Variants in GTPBP8 observed in about 807,000 individuals in gnomAD.
The protein encoded by GTPBP8 is GTP-binding protein 8.
Under a neutral mutation model 27.3 loss-of-function variants are expected in GTPBP8, and 21 were observed. The observed-to-expected ratio is 0.77, with a 90% CI of 0.55 to 1.11. The LOEUF (loss-of-function observed/expected upper bound fraction) is 1.11. Among genes scored for constraint, GTPBP8 ranks in the 50% least tolerant of loss-of-function variants. The probability of loss-of-function intolerance (pLI) is 0.00; values close to 1 mark genes in which losing one functional copy is unlikely to be tolerated. For synonymous variants in GTPBP8, 147 were observed against 135.3 expected, an observed-to-expected ratio of 1.09 and a Z score of -0.60; for missense variants, 380 against 350.8, an observed-to-expected ratio of 1.08 and a Z score of -0.67.
chr3:112,993,243 A>T (rs1933719271), intron 2 of GTPBP8, 119 bp downstream of exon 2: 1 of 611,634 alleles, frequency 1.6e-6, no homozygotes, highest in South Asian at 2.2e-5. Flanking sequence ...GATTTCTTTC[A>T]AAAAAGTAAT....
chr3:112,991,014 G>C lies in GTPBP8; in HGVS notation c.15G>C (p.Gly5=), dbSNP rs1933656214. ...GGGAAGGGAGAATGGCGGCGCCCGGGCTGCGGCTGGGAGCGGGAAGACTCT... is the reference window on the plus strand; with the variant it reads ...GGGAAGGGAGAATGGCGGCGCCCGGCCTGCGGCTGGGAGCGGGAAGACTCT... MAAP[G]LRLGAGRLFE... Residue 5 remains glycine (G), a synonymous_variant, in exon 1 of 6, where the codon GGG becomes GGC. Coordinates refer to ENST00000383678, the MANE Select transcript of GTPBP8 (RefSeq NM_014170.4). 1 of 1,594,924 alleles carries C rather than the reference G, an allele frequency of 6.3e-7. No homozygotes were observed. Among genetic ancestry groups the C allele is most frequent in the African/African-American group, 1.3e-5 (1 of 74,400 alleles).
At position 113,001,110 on chromosome 3, in the gene GTPBP8, G is replaced by C; in HGVS notation, c.*191G>C. 1.9e-6 allele frequency: 1 copy of C among 525,868 alleles called. No individual in the cohort carries two copies. Among genetic ancestry groups the C allele is most frequent in the Non-Finnish European group, 3.4e-6 (1 of 297,162 alleles). The allele number at this position is 525,868 out of a possible 1,614,324, so 32.6% of individuals were successfully genotyped here. ...TGCCTGAGGTGAAAAAAGTTTGTAA[G>C]TTATTGAATTATGGTGTTCATTAGA... On this transcript the variant is annotated 3_prime_UTR_variant, in exon 6 of 6. Transcript: ENST00000383678.
In GTPBP8 at chr3:112,996,906, T is replaced by G. The variant is rs1157666430; in HGVS notation, c.581T>G (p.Phe194Cys). Reference sequence around the variant, plus strand: ...CATGCTTATAGCTTGAAGAGAACATTTTTATTAGTGGATAGCGTTGTTGGA... The same window carrying G: ...CATGCTTATAGCTTGAAGAGAACATGTTTATTAGTGGATAGCGTTGTTGGA... ...LKERRNLKRTFLLVDSVVGIQ... is the reference protein window; with the variant it reads ...LKERRNLKRTCLLVDSVVGIQ... The change falls in exon 4 of 6, where the codon TTT becomes TGT. Residue 194 changes from phenylalanine (F) to cysteine (C), a missense_variant. Physicochemically the swap from Phe to Cys is radical, Grantham distance 205. Transcript: ENST00000383678. 1 of 1,528,156 alleles carries G rather than the reference T, an allele frequency of 6.5e-7. No homozygotes were observed. The highest frequency in any genetic ancestry group is 1.7e-5 in the Admixed American group (1 of 59,614). The allele number at this position is 1,528,156 out of a possible 1,614,324, so 94.7% of individuals were successfully genotyped here.
At position 113,000,835 on chromosome 3, in the gene GTPBP8, C is replaced by G. The variant is rs1177186766; in HGVS notation, c.786-15C>G. 1 of 1,514,868 alleles carries G rather than the reference C, an allele frequency of 6.6e-7. No individual in the cohort carries two copies. Among genetic ancestry groups the G allele is most frequent in the Non-Finnish European group, 9.1e-7 (1 of 1,100,678 alleles). 93.8% of individuals were successfully genotyped at this position (1,514,868 alleles called of 1,614,324 possible). A position where few individuals can be genotyped will look rare whatever the true frequency, so the allele number is the denominator to read the frequency against. On this transcript the variant is annotated splice_polypyrimidine_tract_variant and intron_variant, in intron 5 of 5. Coordinates refer to ENST00000383678, the MANE Select transcript of GTPBP8 (RefSeq NM_014170.4). ...TGAGGAAAGGAAGAAAATTATTTCTCTTTTCTTTTCACAGTGCTGTGACCT... is the reference window on the plus strand; with the variant it reads ...TGAGGAAAGGAAGAAAATTATTTCTGTTTTCTTTTCACAGTGCTGTGACCT...
In GTPBP8 at chr3:113,001,180, A is replaced by C; in HGVS notation, c.*261A>C. Reference sequence around the variant, plus strand: ...CCTATTTTAACAAACTGACAAGAGCACATCCATAAAATGAAAACCTGTTAC... The same window carrying C: ...CCTATTTTAACAAACTGACAAGAGCCCATCCATAAAATGAAAACCTGTTAC... On this transcript the variant is annotated 3_prime_UTR_variant, in exon 6 of 6. Transcript: ENST00000383678. The C allele has an allele frequency of 3.1e-6, 1 of 319,302 alleles. No individual in the cohort carries two copies. The highest frequency in any genetic ancestry group is 5.7e-6 in the Non-Finnish European group (1 of 174,878). 19.8% of individuals were successfully genotyped at this position (319,302 alleles called of 1,614,324 possible). A position where few individuals can be genotyped will look rare whatever the true frequency, so the allele number is the denominator to read the frequency against.
intron 1 of GTPBP8, chr3:112,991,689 A>G: frequency 4.5e-6 from 2 of 443,056 alleles, no homozygotes; most frequent in Non-Finnish European, 8.6e-6. Context: ...TTAAGCATTC[A>G]AAAAATTAAC....
Position 112,995,274 on chromosome 3 carries a change from A to C in GTPBP8, c.566+9A>C. 1.3e-6 allele frequency: 2 copies of C among 1,570,400 alleles called. No homozygotes were observed. Among genetic ancestry groups the C allele is most frequent in the Non-Finnish European group, 1.7e-6 (2 of 1,155,884 alleles). On this transcript the variant is annotated intron_variant, in intron 3 of 5. Coordinates refer to ENST00000383678, the MANE Select transcript of GTPBP8 (RefSeq NM_014170.4). Reference sequence around the variant, plus strand: ...CTAAAAGAACGAAGGAAGTAAGGAAAAGATTTTCTTATAATAGTTATACAT... The same window carrying C: ...CTAAAAGAACGAAGGAAGTAAGGAACAGATTTTCTTATAATAGTTATACAT...
intron 5 of GTPBP8, among the ~76,000 whole-genome samples, 162 bp from the exon 6 acceptor site, chr3:113,000,688 C>T (rs1933881405): frequency 6.6e-6 from 1 of 152,066 alleles, no homozygotes; most frequent in Admixed American, 6.5e-5. Flanking sequence ...TTTTAGAATA[C>T]TACAAGACGC....
At chr3:112,994,286 G>C (rs941742869) in intron 2 of GTPBP8, among the ~76,000 whole-genome samples, 2 of 152,050 alleles carry the variant, frequency 1.3e-5, no homozygotes, top group Non-Finnish European at 2.9e-5. Flanking sequence ...AGCCAGGCGC[G>C]GTGGTGCATT....
chr3:112,998,786 C>T (rs1933834833), intron 4 of GTPBP8, among the ~76,000 whole-genome samples: 1 of 152,148 alleles, frequency 6.6e-6, no homozygotes, highest in South Asian at 2.1e-4. Flanking sequence ...TGTATCATGA[C>T]ACCACACTCC....
At chr3:112,991,434 C>T (rs1933677308) in intron 1 of GTPBP8, 99 bp downstream of exon 1, 1 of 1,056,048 alleles carries the variant, frequency 9.5e-7, no homozygotes, top group Non-Finnish European at 1.5e-6. Context: ...GTTGTATTTT[C>T]TAGCTTTATG....
Position 112,999,456 on chromosome 3 carries a change from CA to C in GTPBP8, c.682del (p.Ile228LeufsTer10). 1.4e-6 allele frequency: 2 copies of C among 1,409,850 alleles called. No homozygotes were observed. Among genetic ancestry groups the C allele is most frequent in the South Asian group, 1.3e-5 (1 of 74,240 alleles). The allele number at this position is 1,409,850 out of a possible 1,614,324, so 87.3% of individuals were successfully genotyped here. A position where few individuals can be genotyped will look rare whatever the true frequency, so the allele number is the denominator to read the frequency against. On this transcript the variant is annotated frameshift_variant, in exon 5 of 6. Coordinates refer to ENST00000383678, the MANE Select transcript of GTPBP8 (RefSeq NM_014170.4). LOFTEE classifies it high-confidence loss of function. ...TTTGTTTTCTTATAGATTGTATTAA[CA>C]AAAATTGACAAATCTTCCAAGGGAC... ...EFALPYVIVL[T>X]KIDKSSKGHL... is the part of the protein sequence containing the mutation.
At chr3:112,994,324 G>C (rs552281528) in intron 2 of GTPBP8, among the ~76,000 whole-genome samples, 130 of 151,986 alleles carry the variant, frequency 8.6e-4, no homozygotes, top group African/African-American at 3.1e-3. Context: ...TCGGGAGGCT[G>C]AGGCAAGAGA....
intron 5 of GTPBP8, among the ~76,000 whole-genome samples, chr3:112,999,995 C>T (rs1338602039): frequency 1.3e-5 from 2 of 152,182 alleles, no homozygotes; most frequent in African/African-American, 4.8e-5. Flanking sequence ...ATAAATACCA[C>T]ATTTTCTTTA....
At chr3:112,991,573 C>G in intron 1 of GTPBP8, 1 of 682,814 alleles carries the variant, frequency 1.5e-6, no homozygotes, top group Non-Finnish European at 2.7e-6. Context: ...AGTCAAAAAT[C>G]GTTAAGTCGA....
chr3:113,000,939 A>G lies in GTPBP8; in HGVS notation c.*20A>G. 1.5e-6 allele frequency: 2 copies of G among 1,326,760 alleles called. No homozygotes were observed. Among genetic ancestry groups the G allele is most frequent in the Non-Finnish European group, 2.1e-6 (2 of 947,898 alleles). 82.2% of individuals were successfully genotyped at this position (1,326,760 alleles called of 1,614,324 possible). On this transcript the variant is annotated 3_prime_UTR_variant, in exon 6 of 6. Coordinates refer to ENST00000383678, the MANE Select transcript of GTPBP8 (RefSeq NM_014170.4). ...GACTAATGGTTCCCGGTTTAGCTGA[A>G]GATTCAAAAAAAAAAAAAAAAGCTT...
At chr3:112,993,475 C>G (rs1192411880) in intron 2 of GTPBP8, among the ~76,000 whole-genome samples, 3 of 152,116 alleles carry the variant, frequency 2.0e-5, no homozygotes, top group Non-Finnish European at 2.9e-5. Context: ...GTTTTTCTTG[C>G]TTTTTTCCTC....
intron 1 of GTPBP8, 40 bp downstream of exon 1, chr3:112,991,375 C>T (rs767049039): frequency 1.9e-6 from 3 of 1,582,230 alleles, no homozygotes; most frequent in African/African-American, 1.3e-5. Context: ...GCGCCGGCGT[C>T]ACAGCGCTAA....
intron 4 of GTPBP8, among the ~76,000 whole-genome samples, chr3:112,997,519 C>G (rs1454031663): frequency 6.6e-6 from 1 of 152,084 alleles, no homozygotes; most frequent in Non-Finnish European, 1.5e-5. Context: ...GTCTTTTGAC[C>G]TAGACTAGAA....
Sources: gnomAD v4.1 joint callset for allele counts (sites outside exome capture counted in the v4.1 genomes callset) on GRCh38, gnomAD v4.1.1 for gene constraint, MANE v1.5 for transcripts, NCBI Gene and HGNC (gene_info 2026-07-23, HGNC 2026-07-21) for gene names.